The following FMNL2 variants were observed in gnomAD, a reference collection of about 807,000 sequenced individuals.
FMNL2 encodes formin-like protein 2.
A neutral mutation model predicts 130.2 loss-of-function variants in FMNL2; 51 were observed. The ratio of observed to expected loss-of-function variants is 0.39; its 90% CI spans 0.31 to 0.49. The LOEUF is 0.49. Ranked by LOEUF, FMNL2 falls within the 20% of genes least tolerant of loss-of-function variation. The pLI, the probability that FMNL2 is intolerant of heterozygous loss-of-function variation, is 0.85. For missense variants in FMNL2, 977 were observed against 1,316.2 expected (o/e 0.74, Z 3.99); for synonymous variants, 465 against 467.1 (o/e 1.00, Z 0.06).
intron 1 of FMNL2, among the ~76,000 whole-genome samples, chr2:152,391,395 A>G (rs978009688): frequency 3.3e-5 from 5 of 152,240 alleles, no homozygotes; most frequent in Non-Finnish European, 5.9e-5. Flanking sequence ...TAAGTAAAGC[A>G]TAACTGAAGG....
intron 1 of FMNL2, among the ~76,000 whole-genome samples, chr2:152,374,057 A>T (rs2105870507): frequency 6.6e-6 from 1 of 152,298 alleles, no homozygotes. Flanking sequence ...AGGCATATGG[A>T]GGCTTTGCCT....
At chr2:152,411,571 G>A (rs1686294326) in intron 1 of FMNL2, among the ~76,000 whole-genome samples, 1 of 152,152 alleles carries the variant, frequency 6.6e-6, no homozygotes, top group African/African-American at 2.4e-5. Flanking sequence ...GCTAACTCAA[G>A]AGCCAGCCAG....
intron 1 of FMNL2, among the ~76,000 whole-genome samples, chr2:152,483,020 GATAA>G (rs1234360462): frequency 2.6e-5 from 4 of 152,000 alleles, no homozygotes; most frequent in Non-Finnish European, 5.9e-5. Context: ...ATTTTACCTA[GATAA>G]ATAAATAAAT....
chr2:152,426,567 T>C (rs1687213615), intron 1 of FMNL2, among the ~76,000 whole-genome samples: 1 of 152,234 alleles, frequency 6.6e-6, no homozygotes, highest in Non-Finnish European at 1.5e-5. Flanking sequence ...AAATGCTTTC[T>C]TTTGATCATC....
chr2:152,487,740 A>G (rs896433810), intron 1 of FMNL2, among the ~76,000 whole-genome samples: 5 of 151,826 alleles, frequency 3.3e-5, no homozygotes, highest in African/African-American at 1.2e-4. Flanking sequence ...CTTTATAGTT[A>G]TGTGTGTTTG....
chr2:152,499,104 C>G (rs1691671005), intron 1 of FMNL2, among the ~76,000 whole-genome samples: 1 of 152,152 alleles, frequency 6.6e-6, no homozygotes, highest in South Asian at 2.1e-4. Context: ...CTTTTCTTCT[C>G]CGGGAGCTTG....
chr2:152,598,571 C>T (rs1382518853), intron 9 of FMNL2, among the ~76,000 whole-genome samples: 2 of 152,102 alleles, frequency 1.3e-5, no homozygotes, highest in Non-Finnish European at 2.9e-5. Context: ...TGCCTTTAAT[C>T]CCAGCTACTC....
intron 7 of FMNL2, among the ~76,000 whole-genome samples, chr2:152,575,450 CA>C (rs5835437): frequency 0.24 from 36,591 of 150,488 alleles, 5,629 homozygotes; most frequent in African/African-American, 0.44. Context: ...ACCAACCAAA[CA>C]AAAAAAAAAA....
chr2:152,400,671 A>G (rs1396884181), intron 1 of FMNL2, among the ~76,000 whole-genome samples: 2 of 152,162 alleles, frequency 1.3e-5, no homozygotes, highest in Non-Finnish European at 2.9e-5. Flanking sequence ...AACACTATTT[A>G]TGCATTTGGG....
At chr2:152,630,300 G>A (rs1682072915) in intron 20 of FMNL2, among the ~76,000 whole-genome samples, 1 of 152,202 alleles carries the variant, frequency 6.6e-6, no homozygotes, top group African/African-American at 2.4e-5. Context: ...AGAAAAGAAA[G>A]CAGGGTATGC....
intron 1 of FMNL2, among the ~76,000 whole-genome samples, chr2:152,452,777 G>A (rs1205007984): frequency 6.6e-6 from 1 of 152,012 alleles, no homozygotes; most frequent in African/African-American, 2.4e-5. Context: ...GATGGGGAGG[G>A]CTGTCGATGG....
At chr2:152,458,591 A>C (rs1216122521) in intron 1 of FMNL2, among the ~76,000 whole-genome samples, 1 of 152,176 alleles carries the variant, frequency 6.6e-6, no homozygotes, top group Non-Finnish European at 1.5e-5. Flanking sequence ...ACAAGAATGC[A>C]TTTGCTCTTT....
Position 152,376,295 on chromosome 2 carries a change from A to T in FMNL2, c.117+40575A>T, listed in dbSNP as rs114341627. On this transcript the variant is annotated intron_variant, in intron 1 of 25. Transcript: ENST00000288670. ...AAATTGCTTCTACTTTCTGGCTATT[A>T]TGAATAATGCTGCTGTGAGCATTCT... 7.8e-3 allele frequency among the ~76,000 whole-genome samples: 1,195 copies of T among 152,346 alleles called. 17 individuals are homozygous for T. Among genetic ancestry groups the T allele is most frequent in the African/African-American group, 0.027 (1,135 of 41,566 alleles).
chr2:152,577,374 A>T (rs1347968246), intron 7 of FMNL2, among the ~76,000 whole-genome samples: 1 of 152,124 alleles, frequency 6.6e-6, no homozygotes, highest in Non-Finnish European at 1.5e-5. Flanking sequence ...TAACTTTGAG[A>T]TTCCCCTTAG....
intron 18 of FMNL2, 30 bp downstream of exon 18, chr2:152,628,563 G>C (rs1401605941): frequency 1.3e-6 from 2 of 1,576,108 alleles, no homozygotes; most frequent in Non-Finnish European, 1.7e-6. Flanking sequence ...CAGGGGAGGG[G>C]GTCCAAAGAA....
At chr2:152,429,344 C>G (rs1312662055) in intron 1 of FMNL2, among the ~76,000 whole-genome samples, 1 of 152,056 alleles carries the variant, frequency 6.6e-6, no homozygotes, top group African/African-American at 2.4e-5. Flanking sequence ...TGTGTAAACT[C>G]TTGATCCTTT....
At chr2:152,549,519 G>A (rs531570217) in intron 4 of FMNL2, among the ~76,000 whole-genome samples, 1 of 152,252 alleles carries the variant, frequency 6.6e-6, no homozygotes, top group Admixed American at 6.5e-5. Flanking sequence ...GGCCAGAAGG[G>A]GACGGAAGCT....
At chr2:152,561,841 G>C (rs1695549292) in intron 6 of FMNL2, among the ~76,000 whole-genome samples, 1 of 152,128 alleles carries the variant, frequency 6.6e-6, no homozygotes, top group African/African-American at 2.4e-5. Flanking sequence ...GCCTCCCAAA[G>C]TGTTGGGATT....
rs1170898966 is a variant in FMNL2 at position 152,370,963 on chromosome 2, G to A, written c.117+35243G>A. Among the ~76,000 whole-genome samples, 3 of 152,202 alleles carry A rather than the reference G, an allele frequency of 2.0e-5. No individual in the cohort carries two copies. In the East Asian group the frequency reaches 5.8e-4, roughly 29 times the overall value. On this transcript the variant is annotated intron_variant, in intron 1 of 25. Transcript: ENST00000288670. ...GGATTTACTTCAGAGGTGTCTCGCTGATGTAGTTGGTAAGTTGCTGTTGCC... is the reference window on the plus strand; with the variant it reads ...GGATTTACTTCAGAGGTGTCTCGCTAATGTAGTTGGTAAGTTGCTGTTGCC...
Sources: allele counts gnomAD v4.1 joint callset (sites outside exome capture counted in the v4.1 genomes callset), GRCh38; gene constraint gnomAD v4.1.1; transcripts MANE v1.5; gene names NCBI Gene and HGNC (gene_info 2026-07-23, HGNC 2026-07-21).